The following NPLOC4 variants were observed in gnomAD, a reference collection of about 807,000 sequenced individuals.
NPLOC4 encodes nuclear protein localization protein 4 homolog.
A neutral mutation model predicts 80.6 loss-of-function variants in NPLOC4; 18 were observed. The ratio of observed to expected loss-of-function variants is 0.22; its 90% confidence interval spans 0.15 to 0.33. The LOEUF (loss-of-function observed/expected upper bound fraction) is 0.33. Among genes scored for constraint, NPLOC4 ranks in the 10% least tolerant of loss-of-function variants. NPLOC4 has a pLI of 1.00. For synonymous variants in NPLOC4, 313 were observed against 301.5 expected (o/e 1.04, Z -0.39); for missense variants, 540 against 786.1 (o/e 0.69, Z 3.74).
At chr17:81,575,176 T>C (rs1462959126) in intron 12 of NPLOC4, among the ~76,000 whole-genome samples, 1 of 152,174 alleles carries the variant, frequency 6.6e-6, no homozygotes, top group Non-Finnish European at 1.5e-5. Flanking sequence ...CTCGGCTCAC[T>C]GCAAGCTCCG....
chr17:81,601,652 C>T (rs2035058766), intron 8 of NPLOC4, among the ~76,000 whole-genome samples: 1 of 152,194 alleles, frequency 6.6e-6, no homozygotes, highest in Non-Finnish European at 1.5e-5. Context: ...AAGCAGCATC[C>T]TGAGTACAGC....
chr17:81,630,425 C>G (rs1193108629), intron 1 of NPLOC4, among the ~76,000 whole-genome samples: 1 of 152,056 alleles, frequency 6.6e-6, no homozygotes, highest in Non-Finnish European at 1.5e-5. Context: ...GAGCTGGAAC[C>G]ACAGGCTTGC....
chr17:81,600,904 C>T (rs996268272), intron 8 of NPLOC4, among the ~76,000 whole-genome samples: 10 of 152,212 alleles, frequency 6.6e-5, no homozygotes, highest in African/African-American at 2.4e-4. Flanking sequence ...AGAGACAATG[C>T]TTGGCTTCAC....
At position 81,589,491 on chromosome 17, in the gene NPLOC4, T is replaced by C. The variant is rs60052576; in HGVS notation, c.1121-387A>G. On this transcript the variant is annotated intron_variant, in intron 11 of 16. Transcript: ENST00000331134. The stretch of plus-strand genomic sequence containing the variant: ...AGGTGGAGCTTGCAGTGAGCCGAGA[T>C]TGTGCCGCTGCACTCCAGCCTGGGT... Among the ~76,000 whole-genome samples, 586 of 150,818 alleles carry C rather than the reference T, an allele frequency of 3.9e-3. 3 individuals are homozygous for C. Among genetic ancestry groups the C allele is most frequent in the African/African-American group, 0.014 (556 of 40,954 alleles).
chr17:81,559,181 G>A lies in NPLOC4; in HGVS notation c.*78C>T. 2.1e-6 allele frequency: 3 copies of A among 1,463,002 alleles called. No individual in the cohort carries two copies. The highest frequency in any genetic ancestry group is 1.3e-5 in the South Asian group (1 of 74,252). 90.6% of individuals were successfully genotyped at this position (1,463,002 alleles called of 1,614,324 possible). On this transcript the variant is annotated 3_prime_UTR_variant, in exon 17 of 17. Coordinates refer to ENST00000331134, the MANE Select transcript of NPLOC4 (RefSeq NM_017921.4). The stretch of plus-strand genomic sequence containing the variant: ...GGCTGCCCACTATGGGGCAGTTACA[G>A]GGAACACACTCAGCAACGCTTCTGG...
chr17:81,565,055 C>T (rs150746336), intron 16 of NPLOC4: 7,824 of 507,666 alleles, frequency 0.015, 107 homozygotes, highest in Non-Finnish European at 0.019. Context: ...GCAATGCCTG[C>T]GGTCCGTTCC....
rs1303548960 is a variant in NPLOC4, at chr17:81,611,943, G to C, written c.386+1375C>G. Among the ~76,000 whole-genome samples the C allele has an allele frequency of 2.2e-5, 3 of 136,000 alleles. No individual in the cohort carries two copies. The Admixed American group carries it at 2.3e-4, about 10-fold the overall frequency. The allele number at this position is 136,000 out of a possible 152,430, so 89.2% of individuals were successfully genotyped here. A position where few individuals can be genotyped will look rare whatever the true frequency, so the allele number is the denominator to read the frequency against. On this transcript the variant is annotated intron_variant, in intron 4 of 16. Transcript: ENST00000331134. ...CCACTGCACTCCAGCCTGGGTGACAGAGCGAGAGTCCATCTCAAAAAAAAA... is the reference window on the plus strand; with the variant it reads ...CCACTGCACTCCAGCCTGGGTGACACAGCGAGAGTCCATCTCAAAAAAAAA...
At chr17:81,636,769 G>A in intron 1 of NPLOC4, 147 bp downstream of exon 1, 1 of 876,740 alleles carries the variant, frequency 1.1e-6, no homozygotes, top group Non-Finnish European at 1.5e-6. Context: ...CCCGAGAGGG[G>A]CCCAGCCACT....
In NPLOC4 at chr17:81,577,136, TA is replaced by T. The variant is rs2034322330; in HGVS notation, c.1282-5049del. ...CAAGGGGCAGTGGGTTCCTCAGAGA[TA>T]CCCTCTGGCCCCTCCACAGCTGGCT... On this transcript the variant is annotated intron_variant, in intron 12 of 16. Transcript: ENST00000331134. The surrounding 1 kb of genome is among the most constrained non-coding windows in gnomAD (Gnocchi z 4.3). Among the ~76,000 whole-genome samples, 1 of 152,076 alleles carries T rather than the reference TA, an allele frequency of 6.6e-6. No homozygotes were observed. The highest frequency in any genetic ancestry group is 1.5e-5 in the Non-Finnish European group (1 of 68,002).
chr17:81,593,801 A>C (rs1338284620), intron 11 of NPLOC4, among the ~76,000 whole-genome samples: 1 of 151,898 alleles, frequency 6.6e-6, no homozygotes, highest in Non-Finnish European at 1.5e-5. Context: ...CTGGGTGCCC[A>C]GTGCCCACTG....
intron 16 of NPLOC4, chr17:81,565,060 C>T (rs1028883657): frequency 3.3e-5 from 17 of 518,218 alleles, no homozygotes; most frequent in African/African-American, 2.1e-4. Flanking sequence ...GCCTGCGGTC[C>T]GTTCCGTAGT....
intron 2 of NPLOC4, among the ~76,000 whole-genome samples, chr17:81,627,749 C>T (rs1225193605): frequency 2.0e-5 from 3 of 152,028 alleles, no homozygotes. Context: ...GCCTGGGCAA[C>T]AAGAGCGAAA....
In NPLOC4 at chr17:81,618,216, G is replaced by A. The variant is rs1313526822; in HGVS notation, c.209+3950C>T. Among the ~76,000 whole-genome samples, 1,146 of 151,488 alleles carry A rather than the reference G, an allele frequency of 7.6e-3. 10 individuals are homozygous for A. Among genetic ancestry groups the A allele is most frequent in the Non-Finnish European group, 8.8e-3 (595 of 67,852 alleles). ...CCATCCCATCTAGGAAGTGAGGAGCGCCTCTTTCCGGCCGCCATCCCATCT... is the reference window on the plus strand; with the variant it reads ...CCATCCCATCTAGGAAGTGAGGAGCACCTCTTTCCGGCCGCCATCCCATCT... On this transcript the variant is annotated intron_variant, in intron 3 of 16. Transcript: ENST00000331134.
chr17:81,605,633 G>T (rs1251774045), intron 7 of NPLOC4, among the ~76,000 whole-genome samples: 1 of 150,092 alleles, frequency 6.7e-6, no homozygotes, highest in East Asian at 2.0e-4. Flanking sequence ...GGGCTACGGA[G>T]TGAGACTCTG....
intron 4 of NPLOC4, among the ~76,000 whole-genome samples, chr17:81,611,067 C>T (rs1327918807): frequency 6.6e-6 from 1 of 152,082 alleles, no homozygotes; most frequent in Non-Finnish European, 1.5e-5. Flanking sequence ...CACCTCTAAT[C>T]CCAACACTTT....
intron 3 of NPLOC4, among the ~76,000 whole-genome samples, chr17:81,617,663 C>CCCCCCCCCCT (rs2035536057): frequency 7.5e-6 from 1 of 134,134 alleles, no homozygotes; most frequent in African/African-American, 2.9e-5. Flanking sequence ...CAAAAAATGC[C>CCCCCCCCCCT]CCCCCTCCCC....
At chr17:81,579,520 C>G (rs1172563869) in intron 12 of NPLOC4, among the ~76,000 whole-genome samples, 1 of 152,122 alleles carries the variant, frequency 6.6e-6, no homozygotes, top group Non-Finnish European at 1.5e-5. Context: ...CCAGCCTCCC[C>G]CTTCAGCTGA....
In NPLOC4 at chr17:81,610,221, C is replaced by G; in HGVS notation, c.424G>C (p.Val142Leu). The G allele has an allele frequency of 6.4e-7, 1 of 1,574,210 alleles. No homozygotes were observed. Among genetic ancestry groups the G allele is most frequent in the Non-Finnish European group, 8.6e-7 (1 of 1,160,398 alleles). The stretch of plus-strand genomic sequence containing the variant: ...GCAGAGACTCTCACCTCTAGAGGGA[C>G]GCAGTGCACGCATTTCCCCAAAGGG... ...HGPLGKCVHCVPLEPFDEDYL... is the reference protein window; with the variant it reads ...HGPLGKCVHCLPLEPFDEDYL... Residue 142 changes from valine (V) to leucine (L), a missense_variant, in exon 5 of 17, where the codon GTC (valine) becomes CTC (leucine). This residue lies in a region of NPLOC4 where 74 missense variants were observed against 75.7 expected (regional missense o/e 0.98). Coordinates refer to ENST00000331134, the MANE Select transcript of NPLOC4 (RefSeq NM_017921.4).
Position 81,601,190 on chromosome 17 carries a change from C to T in NPLOC4, c.835-763G>A, listed in dbSNP as rs143125202. Among the ~76,000 whole-genome samples the T allele has an allele frequency of 6.9e-3, 1,043 of 152,198 alleles. 8 individuals are homozygous for T. The highest frequency in any genetic ancestry group is 8.5e-3 in the Non-Finnish European group (577 of 68,010). ...GTATCATTCTATGCAGAAACCCCAG[C>T]CATAAGAATAGGAAAGGTAAAGGTA... On this transcript the variant is annotated intron_variant, in intron 8 of 16. Transcript: ENST00000331134.
Sources: gnomAD v4.1 joint callset for allele counts (sites outside exome capture counted in the v4.1 genomes callset) on GRCh38, gnomAD v4.1.1 for gene constraint, gnomAD v4.1.1 regional missense constraint, Gnocchi (gnomAD v3.1) non-coding constraint, MANE v1.5 for transcripts, NCBI Gene and HGNC (gene_info 2026-07-23, HGNC 2026-07-21) for gene names.